NRG2: variants seen among roughly 807,000 people sequenced by gnomAD.
NRG2 encodes pro-neuregulin-2, membrane-bound isoform.
Under a neutral mutation model 73.9 loss-of-function variants are expected in NRG2, and 27 were observed. That is an observed-to-expected ratio of 0.37 (90% CI 0.27 to 0.50). The LOEUF (loss-of-function observed/expected upper bound fraction) is 0.50. NRG2 is among the 20% of genes least tolerant of loss of function. The pLI is 0.96. For synonymous variants in NRG2, 532 were observed against 541.0 expected (o/e 0.98, Z 0.23); for missense variants, 1,126 against 1,210.1 (o/e 0.93, Z 1.03).
chr5:139,922,070 CAAAAAAAA>C (rs35988908), intron 1 of NRG2, among the ~76,000 whole-genome samples: 2,309 of 77,226 alleles, frequency 0.03, 62 homozygotes, highest in African/African-American at 0.093. Context: ...GATTCTGTCT[CAAAAAAAA>C]AAAAAAAAAA....
intron 1 of NRG2, among the ~76,000 whole-genome samples, chr5:139,966,415 A>G: frequency 6.6e-6 from 1 of 152,202 alleles, no homozygotes; most frequent in Admixed American, 6.5e-5. Context: ...TTGGTAAGGA[A>G]GGGATATTAA....
intron 1 of NRG2, among the ~76,000 whole-genome samples, chr5:139,991,041 CA>C (rs1424194472): frequency 1.3e-5 from 2 of 151,994 alleles, no homozygotes; most frequent in Non-Finnish European, 2.9e-5. Context: ...TTTGAGAGGC[CA>C]AGGCAGGTGG....
In NRG2 at chr5:139,887,235, G is replaced by T; in HGVS notation, c.872+105C>A. ...AGAGGGGCTGGGACTGGTTCCATGG[G>T]TGAGTCTGGGGGCACAGCCCTGGCC... On this transcript the variant is annotated intron_variant, in intron 2 of 9. Transcript: ENST00000361474. This position sits in a 1 kb window ranked among gnomAD's most constrained non-coding sequence, Gnocchi z 4.5. 7.5e-7 allele frequency: 1 copy of T among 1,341,510 alleles called. No homozygotes were observed. Among genetic ancestry groups the T allele is most frequent in the Non-Finnish European group, 1.0e-6 (1 of 954,438 alleles). 83.1% of individuals were successfully genotyped at this position (1,341,510 alleles called of 1,614,324 possible).
At chr5:140,010,827 G>A (rs1759306175) in intron 1 of NRG2, among the ~76,000 whole-genome samples, 1 of 152,188 alleles carries the variant, frequency 6.6e-6, no homozygotes, top group Non-Finnish European at 1.5e-5. Flanking sequence ...TGAAGAACTT[G>A]GAAAGCATCG....
intron 3 of NRG2, among the ~76,000 whole-genome samples, chr5:139,873,568 A>C (rs567788970): frequency 6.6e-6 from 1 of 152,234 alleles, no homozygotes; most frequent in Non-Finnish European, 1.5e-5. Context: ...CTGGCTGTAC[A>C]TCCTCCCCAT....
At chr5:139,902,548 G>A (rs1220420588) in intron 1 of NRG2, among the ~76,000 whole-genome samples, 3 of 152,074 alleles carry the variant, frequency 2.0e-5, no homozygotes, top group African/African-American at 7.2e-5. Flanking sequence ...TGAATTACTT[G>A]CTCATGCTTT....
Position 139,865,152 on chromosome 5 carries a change from C to T in NRG2, c.1189+397G>A. On this transcript the variant is annotated intron_variant, in intron 5 of 9. Transcript: ENST00000361474. The surrounding 1 kb of genome is among the most constrained non-coding windows in gnomAD (Gnocchi z 5.2). Reference sequence around the variant, plus strand: ...CCATTGCGAACTGCTGACACCTGTCCCCGGTGTATCCCACAGGACACCTAC... The same window carrying T: ...CCATTGCGAACTGCTGACACCTGTCTCCGGTGTATCCCACAGGACACCTAC... 1 of 1,613,722 alleles carries T rather than the reference C, an allele frequency of 6.2e-7. No individual in the cohort carries two copies. The highest frequency in any genetic ancestry group is 8.5e-7 in the Non-Finnish European group (1 of 1,179,668).
rs755780794 is a variant in NRG2, at chr5:139,851,807, C to G, written c.1569G>C (p.Leu523=). ...CAGAAGTCAGGCTCTCAGAACGTTC[C>G]AGGCTCCACGTGTGGCTCTCGTGTC... The part of the protein sequence containing the change: ...SHRHESHTWS[L]ERSESLTSDS... The change falls in exon 9 of 10, where the codon CTG becomes CTC. Residue 523 remains leucine, a synonymous_variant. Coordinates refer to ENST00000361474, the MANE Select transcript of NRG2 (RefSeq NM_004883.3). The surrounding 1 kb of genome is among the most constrained non-coding windows in gnomAD (Gnocchi z 4.2). The G allele has an allele frequency of 3.7e-6, 6 of 1,614,094 alleles. No homozygotes were observed. In the Admixed American group the frequency reaches 1.0e-4, roughly 27 times the overall value.
intron 1 of NRG2, among the ~76,000 whole-genome samples, chr5:139,983,518 C>T (rs554180006): frequency 3.3e-5 from 5 of 152,240 alleles, no homozygotes; most frequent in Admixed American, 6.5e-5. Context: ...GTCCCTCAGA[C>T]GCTTCCCTCC....
At position 139,848,210 on chromosome 5, in the gene NRG2, G is replaced by C. The variant is rs1761130777; in HGVS notation, c.2260C>G (p.Gln754Glu). ...GAGTCCCTCGCCGCCCGTGCGCGCT[G>C]CGCCGCCAGCCCGTTGAGGCGCGAG... The part of the protein sequence containing the change: ...RRSRLNGLAA[Q>E]RARAARDSLS... The change falls in exon 10 of 10, where the codon CAG becomes GAG. Residue 754 changes from glutamine (Q) to glutamate (E), a missense_variant. Transcript: ENST00000361474. 2.3e-6 allele frequency: 3 copies of C among 1,282,076 alleles called. No individual in the cohort carries two copies. In the Middle Eastern group the frequency reaches 9.1e-4, roughly 389 times the overall value. 79.4% of individuals were successfully genotyped at this position (1,282,076 alleles called of 1,614,324 possible).
Position 139,979,806 on chromosome 5 carries a change from A to G in NRG2, c.700+62564T>C, listed in dbSNP as rs6882390. On this transcript the variant is annotated intron_variant, in intron 1 of 9. Coordinates refer to ENST00000361474, the MANE Select transcript of NRG2 (RefSeq NM_004883.3). ...TGGAGGACAGCTTGACTGCAATGGC[A>G]TGAGAGACTTTGAACCAGAAGCACC... Among the ~76,000 whole-genome samples the G allele has an allele frequency of 2.8e-3, 427 of 152,334 alleles. 1 individual carries two copies. The highest frequency in any genetic ancestry group is 0.01 in the African/African-American group (418 of 41,572).
At chr5:139,937,755 T>A (rs962082405) in intron 1 of NRG2, among the ~76,000 whole-genome samples, 1 of 152,058 alleles carries the variant, frequency 6.6e-6, no homozygotes, top group Non-Finnish European at 1.5e-5. Context: ...GCATCAAAAA[T>A]ACAAAAAATC....
At chr5:139,982,013 G>T (rs1313054423) in intron 1 of NRG2, among the ~76,000 whole-genome samples, 1 of 152,224 alleles carries the variant, frequency 6.6e-6, no homozygotes, top group Non-Finnish European at 1.5e-5. Flanking sequence ...CACGTTTGGA[G>T]CAGTACCATT....
intron 1 of NRG2, among the ~76,000 whole-genome samples, chr5:140,012,722 C>T (rs1212628391): frequency 2.6e-5 from 4 of 152,196 alleles, no homozygotes; most frequent in South Asian, 4.1e-4. Flanking sequence ...TTCATTGATA[C>T]TACCACCTTT....
At chr5:140,031,282 G>C (rs1044695205) in intron 1 of NRG2, among the ~76,000 whole-genome samples, 3 of 152,208 alleles carry the variant, frequency 2.0e-5, no homozygotes, top group African/African-American at 7.2e-5. Flanking sequence ...GAGAGGTGAA[G>C]CCTCAGGTAA....
intron 2 of NRG2, among the ~76,000 whole-genome samples, chr5:139,882,206 G>A (rs1763567019): frequency 6.6e-6 from 1 of 152,140 alleles, no homozygotes; most frequent in Non-Finnish European, 1.5e-5. Flanking sequence ...ACTGAGCTAT[G>A]GAGCTGATGG....
At chr5:139,907,108 AG>A (rs1171932187) in intron 1 of NRG2, among the ~76,000 whole-genome samples, 5 of 152,026 alleles carry the variant, frequency 3.3e-5, no homozygotes, top group South Asian at 2.1e-4. Context: ...CCTGTGTCTA[AG>A]GTGTGTGTGT....
At chr5:139,970,206 A>C (rs765640077) in intron 1 of NRG2, among the ~76,000 whole-genome samples, 9 of 152,238 alleles carry the variant, frequency 5.9e-5, no homozygotes, top group Non-Finnish European at 1.3e-4. Flanking sequence ...AAAACACTGG[A>C]GTAAAACATC....
chr5:139,910,996 G>A (rs191017623), intron 1 of NRG2, among the ~76,000 whole-genome samples: 17 of 152,152 alleles, frequency 1.1e-4, no homozygotes, highest in African/African-American at 3.9e-4. Flanking sequence ...CGAAGAGAAG[G>A]TGGGGAGCCT....
Sources: allele counts gnomAD v4.1 joint callset (sites outside exome capture counted in the v4.1 genomes callset), GRCh38; gene constraint gnomAD v4.1.1; non-coding constraint Gnocchi (gnomAD v3.1); transcripts MANE v1.5; gene names NCBI Gene and HGNC (gene_info 2026-07-23, HGNC 2026-07-21).